Variants in CELF2 observed in about 807,000 individuals in gnomAD.
CELF2 encodes the protein CUGBP Elav-like family member 2, also known as CUG triplet repeat RNA-binding protein 2.
Under a neutral mutation model 62.6 loss-of-function variants are expected in CELF2, and 8 were observed. The ratio of observed to expected loss-of-function variants is 0.13; its 90% CI spans 0.07 to 0.23. CELF2 has a LOEUF of 0.23. Among genes scored for constraint, CELF2 ranks in the 10% least tolerant of loss-of-function variants. The pLI is 1.00. For synonymous variants in CELF2, 258 were observed against 250.0 expected, an observed-to-expected ratio of 1.03 and a Z score of -0.30; for missense variants, 333 against 671.0, an observed-to-expected ratio of 0.50 and a Z score of 5.56.
At chr10:10,707,544 A>G in the CELF2 span, among the ~76,000 whole-genome samples, 2 of 152,212 alleles carry the variant, frequency 1.3e-5, no homozygotes, top group Non-Finnish European at 2.9e-5. Context: ...ACGAAGACAG[A>G]AATTTGGTTC....
intron 1 of CELF2, among the ~76,000 whole-genome samples, chr10:11,133,428 C>T (rs1037721748): frequency 6.6e-6 from 1 of 152,138 alleles, no homozygotes; most frequent in African/African-American, 2.4e-5. Context: ...AAGAAACATT[C>T]GAGGTGGTTC....
In CELF2 at chr10:11,333,987, A is replaced by T. The variant is rs1394226440; in HGVS notation, c.*4934A>T. ...CGGGTTGATTGATTGATTGATTGAT[A>T]GAAAGAAAGTTGCTTTTCTTTTGAG... On this transcript the variant is annotated 3_prime_UTR_variant, in exon 13 of 13. Coordinates refer to ENST00000633077, the MANE Select transcript of CELF2 (RefSeq NM_001326342.2). The T allele has an allele frequency of 2.0e-5, 3 of 151,772 alleles. No individual in the cohort carries two copies. Among genetic ancestry groups the T allele is most frequent in the Non-Finnish European group, 4.4e-5 (3 of 67,804 alleles). 9.4% of individuals were successfully genotyped at this position (151,772 alleles called of 1,614,324 possible). A position where few individuals can be genotyped will look rare whatever the true frequency, so the allele number is the denominator to read the frequency against.
the CELF2 span, among the ~76,000 whole-genome samples, chr10:10,560,257 G>A: frequency 6.6e-6 from 1 of 152,120 alleles, no homozygotes; most frequent in African/African-American, 2.4e-5. Flanking sequence ...AGGAAATACA[G>A]GTAAGCATAG....
intron 1 of CELF2, among the ~76,000 whole-genome samples, chr10:10,899,412 G>A (rs1364970014): frequency 2.0e-5 from 3 of 152,168 alleles, no homozygotes; most frequent in East Asian, 1.9e-4. Context: ...GGATTAAAAC[G>A]ATAATCATGG....
chr10:11,307,749 T>A (rs1419384939), intron 9 of CELF2, among the ~76,000 whole-genome samples: 1 of 152,220 alleles, frequency 6.6e-6, no homozygotes. Context: ...AAAGAGCTGA[T>A]GAAACTATAG....
chr10:11,109,456 G>A (rs1437856304), intron 1 of CELF2, among the ~76,000 whole-genome samples: 1 of 152,244 alleles, frequency 6.6e-6, no homozygotes, highest in Non-Finnish European at 1.5e-5. Flanking sequence ...TCTAGAATTC[G>A]AAAGCTGCAA....
At chr10:10,787,609 A>G in the CELF2 span, among the ~76,000 whole-genome samples, 2 of 152,248 alleles carry the variant, frequency 1.3e-5, no homozygotes, top group Non-Finnish European at 2.9e-5. Flanking sequence ...TATTGTTCAT[A>G]TACAGCAGTG....
chr10:10,868,458 TG>T (rs2060522142), intron 1 of CELF2, among the ~76,000 whole-genome samples: 1 of 152,236 alleles, frequency 6.6e-6, no homozygotes, highest in African/African-American at 2.4e-5. Context: ...GTTAAAGATT[TG>T]TGCCAAGAAA....
chr10:11,274,736 G>A lies in CELF2; in HGVS notation c.778-321G>A, dbSNP rs562150604. ...ACCCTGATTGACAGAGATGAGTTAC[G>A]GTAACTGCTAGACTACAGAGAGAGA... is the stretch of plus-strand genomic sequence containing the variant. On this transcript the variant is annotated intron_variant, in intron 7 of 12. Coordinates refer to ENST00000633077, the MANE Select transcript of CELF2 (RefSeq NM_001326342.2). 3.5e-4 allele frequency among the ~76,000 whole-genome samples: 54 copies of A among 152,260 alleles called. 1 individual carries two copies. Among genetic ancestry groups the A allele is most frequent in the Admixed American group, 2.9e-3 (44 of 15,294 alleles).
At chr10:10,671,985 T>C in the CELF2 span, among the ~76,000 whole-genome samples, 1 of 152,178 alleles carries the variant, frequency 6.6e-6, no homozygotes, top group Non-Finnish European at 1.5e-5. Context: ...CTGCCTCAGC[T>C]TCCCACAGTA....
At chr10:10,493,121 CAT>C in the CELF2 span, among the ~76,000 whole-genome samples, 3 of 152,162 alleles carry the variant, frequency 2.0e-5, no homozygotes, top group Admixed American at 1.3e-4. Context: ...CATTCTGACA[CAT>C]GTTACAACAT....
At chr10:10,915,403 GC>G (rs1362134346) in intron 1 of CELF2, among the ~76,000 whole-genome samples, 10 of 152,022 alleles carry the variant, frequency 6.6e-5, no homozygotes, top group African/African-American at 2.4e-4. Flanking sequence ...ACTAAGAGTA[GC>G]CTTTTTTGTG....
the CELF2 span, among the ~76,000 whole-genome samples, chr10:10,687,486 T>C: frequency 6.6e-6 from 1 of 152,170 alleles, no homozygotes. Flanking sequence ...CACAAGCCTT[T>C]GAAAAGTAGG....
intron 2 of CELF2, among the ~76,000 whole-genome samples, chr10:10,980,483 T>C (rs201097): frequency 0.93 from 141,152 of 152,296 alleles, 65,568 homozygotes; most frequent in East Asian, 1. Flanking sequence ...GCTTTCCACA[T>C]GCTGCTCAGC....
At chr10:11,071,252 C>T (rs936665268) in intron 1 of CELF2, among the ~76,000 whole-genome samples, 1 of 152,228 alleles carries the variant, frequency 6.6e-6, no homozygotes, top group African/African-American at 2.4e-5. Flanking sequence ...AGGACATGCG[C>T]TGGTTCTTGG....
the CELF2 span, among the ~76,000 whole-genome samples, chr10:10,639,458 T>C: frequency 6.6e-6 from 1 of 152,228 alleles, no homozygotes; most frequent in Non-Finnish European, 1.5e-5. Flanking sequence ...GTAAATTTTA[T>C]AAACGTTGGA....
intron 2 of CELF2, among the ~76,000 whole-genome samples, chr10:10,964,523 A>T (rs1245544450): frequency 2.0e-5 from 3 of 152,222 alleles, no homozygotes; most frequent in Admixed American, 6.5e-5. Context: ...GGTCAGGCCT[A>T]TGGAATTGTA....
the CELF2 span, among the ~76,000 whole-genome samples, chr10:10,744,579 G>T: frequency 1.3e-5 from 2 of 152,160 alleles, no homozygotes; most frequent in Non-Finnish European, 2.9e-5. Flanking sequence ...AGTGTGTCCT[G>T]CCCTATACGG....
At chr10:10,549,346 C>T in the CELF2 span, among the ~76,000 whole-genome samples, 1 of 152,116 alleles carries the variant, frequency 6.6e-6, no homozygotes, top group Non-Finnish European at 1.5e-5. Flanking sequence ...TGCAGTGGTG[C>T]AATCTTGGCT....
Sources: allele counts gnomAD v4.1 joint callset (sites outside exome capture counted in the v4.1 genomes callset), GRCh38; gene constraint gnomAD v4.1.1; transcripts MANE v1.5; gene names NCBI Gene and HGNC (gene_info 2026-07-23, HGNC 2026-07-21).